IFT88: variants seen among roughly 807,000 people sequenced by gnomAD.
IFT88 encodes the protein intraflagellar transport 88.
IFT88 carries 74 observed loss-of-function variants against 119.5 expected under a neutral mutation model. The ratio of observed to expected loss-of-function variants is 0.62; its 90% CI spans 0.51 to 0.75. The LOEUF is 0.75. IFT88 is among the 30% of genes least tolerant of loss of function. IFT88 has a pLI of 0.00. For missense variants in IFT88, 961 were observed against 977.7 expected, an observed-to-expected ratio of 0.98 and a Z score of 0.23; for synonymous variants, 279 against 316.7, an observed-to-expected ratio of 0.88 and a Z score of 1.26.
At chr13:20,573,316 A>G (rs970656628) in intron 1 of IFT88, among the ~76,000 whole-genome samples, 1 of 151,578 alleles carries the variant, frequency 6.6e-6, no homozygotes, top group African/African-American at 2.4e-5. Context: ...GTATCAGCCC[A>G]CTCCCTGCCC....
chr13:20,674,612 T>C (rs2056373333), intron 24 of IFT88, among the ~76,000 whole-genome samples: 1 of 150,798 alleles, frequency 6.6e-6, no homozygotes, highest in South Asian at 2.1e-4. Context: ...ATAATGAAAA[T>C]CAGGATAAGA....
At chr13:20,617,134 A>G (rs2045757105) in intron 14 of IFT88, among the ~76,000 whole-genome samples, 1 of 152,070 alleles carries the variant, frequency 6.6e-6, no homozygotes, top group Non-Finnish European at 1.5e-5. Flanking sequence ...TTATGTAAAA[A>G]TTTATTTGAC....
intron 8 of IFT88, 34 bp from the exon 9 acceptor site, chr13:20,596,981 C>G (rs751003601): frequency 1.6e-6 from 2 of 1,224,424 alleles, no homozygotes; most frequent in Non-Finnish European, 1.2e-6. Context: ...GATGAACACT[C>G]AAAGGAAGTT....
At chr13:20,690,164 ACT>A (rs1226568138) in intron 24 of IFT88, among the ~76,000 whole-genome samples, 2 of 152,168 alleles carry the variant, frequency 1.3e-5, no homozygotes, top group African/African-American at 4.8e-5. Context: ...TCAGTGGACT[ACT>A]CTCATTAAAA....
intron 13 of IFT88, among the ~76,000 whole-genome samples, chr13:20,608,305 A>G (rs1331455864): frequency 2.0e-5 from 3 of 152,200 alleles, no homozygotes; most frequent in Non-Finnish European, 4.4e-5. Flanking sequence ...CTGGCGCCCC[A>G]TGAGCCACAG....
At chr13:20,582,298 G>C (rs1284457975) in intron 2 of IFT88, among the ~76,000 whole-genome samples, 1 of 152,176 alleles carries the variant, frequency 6.6e-6, no homozygotes, top group Non-Finnish European at 1.5e-5. Context: ...CAAATTTCCT[G>C]AAGGGGAATG....
chr13:20,647,862 T>C (rs111291410), intron 20 of IFT88, among the ~76,000 whole-genome samples: 123 of 152,250 alleles, frequency 8.1e-4, no homozygotes, highest in African/African-American at 2.8e-3. Context: ...GTGAATTCTA[T>C]GTAGGAAAAA....
chr13:20,651,064 T>C (rs1312206345), intron 20 of IFT88, among the ~76,000 whole-genome samples: 36 of 152,112 alleles, frequency 2.4e-4, no homozygotes, highest in Admixed American at 2.4e-3. Flanking sequence ...CCACACTGTT[T>C]CGATTATTGT....
chr13:20,682,199 G>A (rs576036594), intron 24 of IFT88, among the ~76,000 whole-genome samples: 1 of 152,326 alleles, frequency 6.6e-6, no homozygotes, highest in East Asian at 1.9e-4. Flanking sequence ...TAAGGAATTA[G>A]AGTCTGTGAA....
chr13:20,586,034 A>C (rs2039603373), intron 3 of IFT88, among the ~76,000 whole-genome samples: 1 of 152,182 alleles, frequency 6.6e-6, no homozygotes, highest in Non-Finnish European at 1.5e-5. Flanking sequence ...CTTTGTCTTT[A>C]ATTAAGTGAT....
rs375571364 is a variant in IFT88 at position 20,589,833 on chromosome 13, C to T, written c.176C>T (p.Thr59Met). The part of the protein sequence containing the change: ...RPPITAKISS[T>M]AVTRPIATGY... ...AAGATAACTGCTAAAATATCAAGCA[C>T]GGCAGTTACTAGACCTATAGCTACT... The change falls in exon 4 of 26, where the codon ACG (threonine) becomes ATG (methionine). Residue 59 changes from threonine to methionine, a missense_variant. By Grantham distance (81) the Thr-to-Met change is moderately conservative. Coordinates refer to ENST00000351808, the MANE Select transcript of IFT88 (RefSeq NM_006531.5). 1.0e-5 allele frequency: 16 copies of T among 1,599,002 alleles called. No individual in the cohort carries two copies. Among genetic ancestry groups the T allele is most frequent in the Admixed American group, 8.4e-5 (5 of 59,852 alleles).
intron 13 of IFT88, among the ~76,000 whole-genome samples, chr13:20,612,777 T>C (rs989565696): frequency 6.6e-6 from 1 of 152,138 alleles, no homozygotes; most frequent in Non-Finnish European, 1.5e-5. Context: ...TGGAATGGAA[T>C]TGAGAGACAA....
intron 16 of IFT88, among the ~76,000 whole-genome samples, chr13:20,634,368 C>G (rs1471417492): frequency 1.3e-5 from 2 of 152,034 alleles, no homozygotes; most frequent in Non-Finnish European, 2.9e-5. Flanking sequence ...TCCACCACAG[C>G]ATCAGGCTCA....
At chr13:20,641,591 C>A in intron 18 of IFT88, 193 bp downstream of exon 18, 2 of 413,488 alleles carry the variant, frequency 4.8e-6, no homozygotes, top group Non-Finnish European at 8.6e-6. Context: ...TAGTTTGCAT[C>A]GAAAGAGGAA....
intron 24 of IFT88, among the ~76,000 whole-genome samples, chr13:20,687,035 A>AG (rs1462272394): frequency 6.6e-6 from 1 of 151,020 alleles, no homozygotes; most frequent in East Asian, 1.9e-4. Flanking sequence ...AAAAAAAAAA[A>AG]AAAAAAAAAA....
intron 19 of IFT88, among the ~76,000 whole-genome samples, chr13:20,644,184 T>C (rs1446458483): frequency 6.6e-6 from 1 of 152,048 alleles, no homozygotes; most frequent in African/African-American, 2.4e-5. Context: ...CTAGGCAACA[T>C]AACAAGACCC....
intron 1 of IFT88, among the ~76,000 whole-genome samples, chr13:20,572,607 A>G (rs2036597606): frequency 1.3e-5 from 2 of 152,304 alleles, no homozygotes; most frequent in East Asian, 1.9e-4. Context: ...TATATAGTTC[A>G]ATATTTGTTT....
rs866296959 is a variant in IFT88 at position 20,660,246 on chromosome 13, T to A, written c.2069-3252T>A. Among the ~76,000 whole-genome samples the A allele has an allele frequency of 3.9e-5, 6 of 152,234 alleles. No individual in the cohort carries two copies. In the South Asian group the frequency reaches 6.2e-4, roughly 16 times the overall value. On this transcript the variant is annotated intron_variant, in intron 22 of 25. Coordinates refer to ENST00000351808, the MANE Select transcript of IFT88 (RefSeq NM_006531.5). ...GCATTTGAGCAGAGACCTGAAAGAA[T>A]AGACAGAAGCAAGCCATGACGATAT...
chr13:20,587,194 G>A, intron 3 of IFT88, among the ~76,000 whole-genome samples: 1 of 151,750 alleles, frequency 6.6e-6, no homozygotes, highest in East Asian at 1.9e-4. Flanking sequence ...ATTAGGTAAA[G>A]TGTGTTAATG....
Sources: gnomAD v4.1 joint callset for allele counts (sites outside exome capture counted in the v4.1 genomes callset) on GRCh38, gnomAD v4.1.1 for gene constraint, MANE v1.5 for transcripts, NCBI Gene and HGNC (gene_info 2026-07-23, HGNC 2026-07-21) for gene names.